PTPRJ: variants seen among roughly 807,000 people sequenced by gnomAD.
PTPRJ encodes the protein receptor-type tyrosine-protein phosphatase eta.
PTPRJ carries 129 observed loss-of-function variants against 141.3 expected under a neutral mutation model. The ratio of observed to expected loss-of-function variants is 0.91; its 90% CI spans 0.79 to 1.06. The LOEUF is 1.06. Ranked by LOEUF, PTPRJ falls within the 50% of genes least tolerant of loss-of-function variation. PTPRJ has a pLI of 0.00. For synonymous variants in PTPRJ, 610 were observed against 640.5 expected, an observed-to-expected ratio of 0.95 and a Z score of 0.72; for missense variants, 1,601 against 1,679.7, an observed-to-expected ratio of 0.95 and a Z score of 0.82.
chr11:47,985,272 C>T (rs1854020582), intron 1 of PTPRJ, among the ~76,000 whole-genome samples: 1 of 152,036 alleles, frequency 6.6e-6, no homozygotes, highest in Admixed American at 6.6e-5. Context: ...TTTAGCCTCT[C>T]AAGTATCTGG....
At chr11:48,073,235 G>C (rs1855307766) in intron 1 of PTPRJ, among the ~76,000 whole-genome samples, 2 of 152,124 alleles carry the variant, frequency 1.3e-5, no homozygotes, top group South Asian at 2.1e-4. Context: ...TGTTCCCTGC[G>C]GGCCTTGGCC....
At chr11:48,147,535 T>C (rs1250784196) in intron 15 of PTPRJ, among the ~76,000 whole-genome samples, 1 of 152,232 alleles carries the variant, frequency 6.6e-6, no homozygotes, top group Non-Finnish European at 1.5e-5. Flanking sequence ...CTGTGCTTTC[T>C]GTGAATTATC....
At position 48,039,772 on chromosome 11, in the gene PTPRJ, C is replaced by G. The variant is rs1288345184; in HGVS notation, c.96+58764C>G. Among the ~76,000 whole-genome samples, 5 of 151,630 alleles carry G rather than the reference C, an allele frequency of 3.3e-5. No individual in the cohort carries two copies. In the South Asian group the frequency reaches 8.3e-4, roughly 25 times the overall value. On this transcript the variant is annotated intron_variant, in intron 1 of 24. Transcript: ENST00000418331. ...TGACAGTAATAGGTAAGTGTCCCCC[C>G]AGTCTCCCTTTTGCCCTTTCTTTTT...
intron 1 of PTPRJ, among the ~76,000 whole-genome samples, chr11:48,024,803 G>A (rs1853761769): frequency 6.6e-6 from 1 of 152,254 alleles, no homozygotes; most frequent in South Asian, 2.1e-4. Flanking sequence ...GCTACCTGGA[G>A]TTTTTCCAGC....
intron 4 of PTPRJ, among the ~76,000 whole-genome samples, chr11:48,122,816 G>A (rs1270976320): frequency 1.3e-5 from 2 of 152,210 alleles, no homozygotes; most frequent in Admixed American, 6.5e-5. Flanking sequence ...CATCTAGGCC[G>A]ATGTCTTTAC....
At chr11:48,071,902 A>ATTTTTT (rs35087042) in intron 1 of PTPRJ, among the ~76,000 whole-genome samples, 2 of 82,566 alleles carry the variant, frequency 2.4e-5, no homozygotes, top group African/African-American at 5.0e-5. Flanking sequence ...ACGCCTGGCC[A>ATTTTTT]TTTTTTTTTT....
chr11:48,028,367 A>G (rs979025417), intron 1 of PTPRJ, among the ~76,000 whole-genome samples: 1 of 152,218 alleles, frequency 6.6e-6, no homozygotes, highest in African/African-American at 2.4e-5. Context: ...TTGGCATTTC[A>G]TGGGAAATCT....
chr11:48,052,611 T>C (rs771678134), intron 1 of PTPRJ, among the ~76,000 whole-genome samples: 1 of 152,140 alleles, frequency 6.6e-6, no homozygotes, highest in Non-Finnish European at 1.5e-5. Flanking sequence ...GTTTCTTCAT[T>C]GATACTTTTA....
chr11:48,027,485 C>G (rs1215557815), intron 1 of PTPRJ, among the ~76,000 whole-genome samples: 1 of 151,880 alleles, frequency 6.6e-6, no homozygotes, highest in Non-Finnish European at 1.5e-5. Context: ...TCCCTGTTCC[C>G]CAACACAATA....
intron 10 of PTPRJ, among the ~76,000 whole-genome samples, chr11:48,139,149 C>T (rs544159603): frequency 6.6e-6 from 1 of 152,146 alleles, no homozygotes; most frequent in South Asian, 2.1e-4. Flanking sequence ...AAAAGGGGGT[C>T]CTCATGATGA....
intron 1 of PTPRJ, among the ~76,000 whole-genome samples, chr11:47,995,007 C>T (rs981225267): frequency 6.6e-6 from 1 of 152,164 alleles, no homozygotes; most frequent in Non-Finnish European, 1.5e-5. Flanking sequence ...AAACGTTTCC[C>T]CCTGCCAGTA....
chr11:48,114,125 G>T (rs998788134), intron 3 of PTPRJ, among the ~76,000 whole-genome samples: 2 of 152,060 alleles, frequency 1.3e-5, no homozygotes. Flanking sequence ...TATTTCTAGG[G>T]TAATATGAGA....
chr11:48,017,040 G>A (rs994368879), intron 1 of PTPRJ, among the ~76,000 whole-genome samples: 1 of 152,046 alleles, frequency 6.6e-6, no homozygotes, highest in Non-Finnish European at 1.5e-5. Flanking sequence ...GATCACAGGT[G>A]TGAGTTACCT....
chr11:48,010,322 C>T (rs377625287), intron 1 of PTPRJ, among the ~76,000 whole-genome samples: 21 of 151,840 alleles, frequency 1.4e-4, no homozygotes, highest in African/African-American at 4.8e-4. Context: ...GGATTACAGG[C>T]GGGTGCCACC....
In PTPRJ at chr11:48,146,954, G is replaced by T; in HGVS notation, c.2990G>T (p.Arg997Ile). ...ACTGTGGGAGGCTTCATCTTCTGGA[G>T]AAAGAAGAGGTGATATTGCTTATGC... The part of the protein sequence containing the change: ...IVTVGGFIFW[R>I]KKRKDAKNNE... Residue 997 changes from arginine to isoleucine, a missense_variant, in exon 15 of 25, where the codon AGA (arginine) becomes ATA (isoleucine). Transcript: ENST00000418331. 6.2e-7 allele frequency: 1 copy of T among 1,613,326 alleles called. No individual in the cohort carries two copies. The highest frequency in any genetic ancestry group is 8.5e-7 in the Non-Finnish European group (1 of 1,179,254).
At chr11:48,100,496 T>C (rs1037565802) in intron 1 of PTPRJ, among the ~76,000 whole-genome samples, 1 of 152,178 alleles carries the variant, frequency 6.6e-6, no homozygotes, top group South Asian at 2.1e-4. Context: ...ATACTGTATA[T>C]ATATTTAAAA....
intron 24 of PTPRJ, among the ~76,000 whole-genome samples, chr11:48,166,785 TCTC>T (rs1162143400): frequency 1.3e-5 from 2 of 152,210 alleles, no homozygotes; most frequent in African/African-American, 4.8e-5. Flanking sequence ...CACCTGATCA[TCTC>T]CTTTTAACCT....
At chr11:48,066,455 G>A (rs1446571438) in intron 1 of PTPRJ, among the ~76,000 whole-genome samples, 2 of 152,080 alleles carry the variant, frequency 1.3e-5, no homozygotes, top group East Asian at 3.8e-4. Flanking sequence ...ACAGGGTGGT[G>A]CAACAGAAGA....
intron 12 of PTPRJ, among the ~76,000 whole-genome samples, chr11:48,144,472 A>G (rs1242425188): frequency 6.6e-6 from 1 of 152,184 alleles, no homozygotes; most frequent in Non-Finnish European, 1.5e-5. Context: ...CAATAAGCTT[A>G]TGTGATGGGA....
Sources: gnomAD v4.1 joint callset for allele counts (sites outside exome capture counted in the v4.1 genomes callset) on GRCh38, gnomAD v4.1.1 for gene constraint, MANE v1.5 for transcripts, NCBI Gene and HGNC (gene_info 2026-07-23, HGNC 2026-07-21) for gene names.